The following ADCY10 variants were observed in gnomAD, a reference collection of about 807,000 sequenced individuals.
ADCY10 encodes the protein adenylate cyclase type 10.
ADCY10 carries 156 observed loss-of-function variants against 183.3 expected under a neutral mutation model. That is an observed-to-expected ratio of 0.85 (90% CI 0.75 to 0.97). The LOEUF (loss-of-function observed/expected upper bound fraction) is 0.97, where lower values mean the gene tolerates loss of function less well. ADCY10 is among the 50% of genes least tolerant of loss of function. The pLI is 0.00. For synonymous variants in ADCY10, 645 were observed against 670.0 expected (o/e 0.96, Z 0.58); for missense variants, 1,745 against 1,934.3 (o/e 0.90, Z 1.84).
chr1:167,906,612 C>A (rs1302212820), intron 1 of ADCY10, among the ~76,000 whole-genome samples: 1 of 135,330 alleles, frequency 7.4e-6, no homozygotes, highest in African/African-American at 2.9e-5. Flanking sequence ...ATAGTGAAAT[C>A]CCATCTCTAC....
At chr1:167,825,852 CTT>C (rs895280640) in intron 26 of ADCY10, among the ~76,000 whole-genome samples, 4 of 152,160 alleles carry the variant, frequency 2.6e-5, no homozygotes, top group Admixed American at 6.5e-5. Flanking sequence ...CTAAACAACT[CTT>C]TAAAAAGATA....
At chr1:167,840,419 C>T (rs980797396) in intron 21 of ADCY10, among the ~76,000 whole-genome samples, 2 of 150,032 alleles carry the variant, frequency 1.3e-5, no homozygotes, top group African/African-American at 4.9e-5. Context: ...CGCAGTGGTG[C>T]AATCTTAGCT....
At position 167,846,551 on chromosome 1, in the gene ADCY10, A is replaced by T. The variant is rs545537521; in HGVS notation, c.2438-288T>A. Among the ~76,000 whole-genome samples the T allele has an allele frequency of 4.7e-4, 71 of 152,274 alleles. 2 individuals carry two copies. The South Asian group carries it at 0.014, about 30-fold the overall frequency. ...TCTGATTTTGTGCTAAAGTGTGACA[A>T]GTGTGTGTGAGGAGAGGAGAGGACA... On this transcript the variant is annotated intron_variant, in intron 19 of 32. Coordinates refer to ENST00000367851, the MANE Select transcript of ADCY10 (RefSeq NM_018417.6).
chr1:167,902,743 G>C (rs535472871), intron 3 of ADCY10, among the ~76,000 whole-genome samples: 1 of 152,350 alleles, frequency 6.6e-6, no homozygotes, highest in South Asian at 2.1e-4. Flanking sequence ...CACCATAACA[G>C]AGTAAACCGT....
chr1:167,899,649 A>AG, intron 5 of ADCY10, 21 bp from the exon 6 acceptor site: 2 of 1,610,704 alleles, frequency 1.2e-6, no homozygotes, highest in Non-Finnish European at 1.7e-6. Context: ...GGCAAGGAAT[A>AG]GGTTTGCACA....
At chr1:167,835,709 T>C (rs1247480500) in intron 23 of ADCY10, among the ~76,000 whole-genome samples, 2 of 152,072 alleles carry the variant, frequency 1.3e-5, no homozygotes, top group Non-Finnish European at 2.9e-5. Flanking sequence ...GGCAACATAG[T>C]GTAACCCCAT....
chr1:167,817,229 G>T (rs1261379277), intron 31 of ADCY10, among the ~76,000 whole-genome samples: 1 of 152,176 alleles, frequency 6.6e-6, no homozygotes, highest in Non-Finnish European at 1.5e-5. Flanking sequence ...GCCAGGCATG[G>T]TGGCACGTGC....
At chr1:167,893,632 G>T (rs919813702) in intron 8 of ADCY10, among the ~76,000 whole-genome samples, 1 of 146,996 alleles carries the variant, frequency 6.8e-6, no homozygotes, top group Non-Finnish European at 1.5e-5. Flanking sequence ...GGAGGCGGAG[G>T]TTGCAGTGAG....
At chr1:167,898,363 G>A (rs1449352704) in intron 6 of ADCY10, among the ~76,000 whole-genome samples, 1 of 152,144 alleles carries the variant, frequency 6.6e-6, no homozygotes, top group Non-Finnish European at 1.5e-5. Context: ...CACTTTGGGA[G>A]GCTGAGGTGG....
chr1:167,860,771 G>T, intron 15 of ADCY10, 100 bp downstream of exon 15: 1 of 989,468 alleles, frequency 1.0e-6, no homozygotes. Context: ...GGATACTGCA[G>T]ATATACAGAC....
At chr1:167,830,682 C>T (rs1443052363) in intron 25 of ADCY10, among the ~76,000 whole-genome samples, 1 of 152,174 alleles carries the variant, frequency 6.6e-6, no homozygotes, top group African/African-American at 2.4e-5. Context: ...GCGTGAGCCA[C>T]TGCGCCTGGC....
chr1:167,838,047 C>T (rs1269273790), intron 21 of ADCY10, among the ~76,000 whole-genome samples: 1 of 152,222 alleles, frequency 6.6e-6, no homozygotes, highest in African/African-American at 2.4e-5. Context: ...GGTCATACAT[C>T]TGTTAGTGGT....
Position 167,896,543 on chromosome 1 carries a change from C to T in ADCY10, c.739+52G>A, listed in dbSNP as rs1350977169. ...TGAAGCTGTCGGCATTGATATAAGA[C>T]CCTACTGACCACTGGTAGAGGCAAA... is the stretch of plus-strand genomic sequence containing the variant. On this transcript the variant is annotated intron_variant, in intron 7 of 32. Transcript: ENST00000367851. The T allele has an allele frequency of 2.9e-6, 4 of 1,397,296 alleles. No homozygotes were observed. The African/African-American group carries it at 4.3e-5, about 15-fold the overall frequency. 86.6% of individuals were successfully genotyped at this position (1,397,296 alleles called of 1,614,324 possible).
At chr1:167,896,468 G>C in intron 7 of ADCY10, 127 bp downstream of exon 7, 2 of 794,470 alleles carry the variant, frequency 2.5e-6, no homozygotes, top group Non-Finnish European at 4.5e-6. Flanking sequence ...GGTCCCCTTT[G>C]TGTGCTGGTA....
In ADCY10 at chr1:167,859,831, T is replaced by C. The variant is rs567573967; in HGVS notation, c.1872A>G (p.Ile624Met). The change falls in exon 16 of 33, where the codon ATA becomes ATG. Residue 624 changes from isoleucine to methionine, a missense_variant. Ile to Met is a conservative substitution (Grantham distance 10, BLOSUM62 1). Coordinates refer to ENST00000367851, the MANE Select transcript of ADCY10 (RefSeq NM_018417.6). ...STLKKQKQLE[I>M]LFMKILKLIV... The stretch of plus-strand genomic sequence containing the variant: ...CCAGCTTCAAGATCTTCATAAACAA[T>C]ATTTCCAATTGTTTTTGCTTTTTCA... 1 of 1,613,534 alleles carries C rather than the reference T, an allele frequency of 6.2e-7. No homozygotes were observed. The highest frequency in any genetic ancestry group is 1.3e-5 in the African/African-American group (1 of 74,900).
chr1:167,887,384 C>T (rs928570759), intron 8 of ADCY10, among the ~76,000 whole-genome samples: 6 of 152,182 alleles, frequency 3.9e-5, no homozygotes, highest in South Asian at 2.1e-4. Flanking sequence ...GATGAGTTCA[C>T]GTCCTTTGTA....
At chr1:167,883,655 A>C (rs1303803861) in intron 8 of ADCY10, 27 bp from the exon 9 acceptor site, 4 of 1,613,348 alleles carry the variant, frequency 2.5e-6, no homozygotes, top group Non-Finnish European at 3.4e-6. Context: ...AGCTTTCTGT[A>C]GGTGTCCTTG....
chr1:167,896,288 G>C (rs1235365978), intron 7 of ADCY10, among the ~76,000 whole-genome samples: 2 of 152,222 alleles, frequency 1.3e-5, no homozygotes, highest in Non-Finnish European at 2.9e-5. Context: ...AAGTTTATTG[G>C]TGAAGGTTAG....
Position 167,896,805 on chromosome 1 carries a change from C to G in ADCY10, c.643-114G>C, listed in dbSNP as rs1200311414. On this transcript the variant is annotated intron_variant, in intron 6 of 32. Coordinates refer to ENST00000367851, the MANE Select transcript of ADCY10 (RefSeq NM_018417.6). ...TTTTGACTGAACAGTGATTGGCACACTTAAACACCAAGACTATTTGATTTG... is the reference window on the plus strand; with the variant it reads ...TTTTGACTGAACAGTGATTGGCACAGTTAAACACCAAGACTATTTGATTTG... 3 of 737,634 alleles carry G rather than the reference C, an allele frequency of 4.1e-6. No homozygotes were observed. The Admixed American group carries it at 6.4e-5, about 16-fold the overall frequency. 45.7% of individuals were successfully genotyped at this position (737,634 alleles called of 1,614,324 possible).
Sources: allele counts gnomAD v4.1 joint callset (sites outside exome capture counted in the v4.1 genomes callset), GRCh38; gene constraint gnomAD v4.1.1; transcripts MANE v1.5; gene names NCBI Gene and HGNC (gene_info 2026-07-23, HGNC 2026-07-21).